The following ANKLE2 variants were observed in gnomAD, a reference collection of about 807,000 sequenced individuals.
The protein encoded by ANKLE2 is ankyrin repeat and LEM domain containing 2, also known as ankyrin repeat and LEM domain-containing protein 2.
A neutral mutation model predicts 84.2 loss-of-function variants in ANKLE2; 55 were observed. That is an observed-to-expected ratio of 0.65 (90% confidence interval 0.53 to 0.82). The LOEUF is 0.82. Among genes scored for constraint, ANKLE2 ranks in the 40% least tolerant of loss-of-function variants. ANKLE2 has a pLI of 0.00. For synonymous variants in ANKLE2, 551 were observed against 486.1 expected (o/e 1.13, Z -1.76); for missense variants, 1,238 against 1,201.9 (o/e 1.03, Z -0.44).
At chr12:132,728,261 G>A (rs2043751548) in intron 11 of ANKLE2, 98 bp from the exon 12 acceptor site, 1 of 1,461,150 alleles carries the variant, frequency 6.8e-7, no homozygotes, top group Admixed American at 2.0e-5. Context: ...ACGGAGTCTT[G>A]CTCTGTCGCC....
intron 7 of ANKLE2, among the ~76,000 whole-genome samples, chr12:132,740,615 T>C (rs1377702273): frequency 6.6e-6 from 1 of 151,804 alleles, no homozygotes; most frequent in Non-Finnish European, 1.5e-5. Flanking sequence ...AAGCAGAAGC[T>C]CCAGACTTCG....
intron 3 of ANKLE2, among the ~76,000 whole-genome samples, chr12:132,749,189 T>C (rs568309836): frequency 6.6e-6 from 1 of 152,168 alleles, no homozygotes; most frequent in East Asian, 1.9e-4. Context: ...GCAGTTTTGC[T>C]CTTTCGCCCA....
chr12:132,754,662 A>C lies in ANKLE2; in HGVS notation c.640+13T>G, dbSNP rs1254265780. 2 of 1,585,802 alleles carry C rather than the reference A, an allele frequency of 1.3e-6. No individual in the cohort carries two copies. The highest frequency in any genetic ancestry group is 1.7e-6 in the Non-Finnish European group (2 of 1,163,716). ...CTATCTGTGTGAGGAAATCCTACAC[A>C]CGGTCCCATTACCATTTCTCGCTGG... is the stretch of plus-strand genomic sequence containing the variant. On this transcript the variant is annotated intron_variant, in intron 2 of 12. Transcript: ENST00000357997.
chr12:132,727,358 T>C lies in ANKLE2; in HGVS notation c.2701A>G (p.Ser901Gly). ...TTTGCGGGGTTGCTTCCAGCCACGC[T>C]GTTTCTCCCCGGACTGTAGCTGTGA... ...GPHSYSPGRN[S>G]VAGSNPAKPG... Residue 901 changes from serine (S) to glycine (G), a missense_variant, in exon 13 of 13, where the codon AGC (serine) becomes GGC (glycine). Ser to Gly is a moderately conservative substitution (Grantham distance 56, BLOSUM62 0). This residue lies in a region of ANKLE2 where 802 missense variants were observed against 774.5 expected (regional missense o/e 1.04). Transcript: ENST00000357997. 1 of 1,562,162 alleles carries C rather than the reference T, an allele frequency of 6.4e-7. No individual in the cohort carries two copies. The highest frequency in any genetic ancestry group is 8.7e-7 in the Non-Finnish European group (1 of 1,153,322).
chr12:132,739,946 A>T (rs1332989690), intron 7 of ANKLE2, among the ~76,000 whole-genome samples: 1 of 152,242 alleles, frequency 6.6e-6, no homozygotes, highest in African/African-American at 2.4e-5. Flanking sequence ...CTCAGCAAAC[A>T]GCTGCTGGGG....
Position 132,754,852 on chromosome 12 carries a change from T to C in ANKLE2, c.463A>G (p.Arg155Gly). 1.2e-6 allele frequency: 2 copies of C among 1,614,146 alleles called. No homozygotes were observed. Among genetic ancestry groups the C allele is most frequent in the Non-Finnish European group, 8.5e-7 (1 of 1,180,008 alleles). The change falls in exon 2 of 13, where the codon AGA (arginine) becomes GGA (glycine). Residue 155 changes from arginine to glycine, a missense_variant. This residue lies in a region of ANKLE2 where 422 missense variants were observed against 394.5 expected (regional missense o/e 1.07). Coordinates refer to ENST00000357997, the MANE Select transcript of ANKLE2 (RefSeq NM_015114.3). ...AGGCCCACACTGTAACCAAAATCTC[T>C]GTCTTCAGAAAAACCAGCCTGATCA... ...PTDQAGFSED[R>G]DFGYSVGLNP...
intron 1 of ANKLE2, chr12:132,759,530 A>G (rs1290973166): frequency 2.6e-5 from 4 of 151,738 alleles, no homozygotes; most frequent in African/African-American, 7.3e-5. Context: ...TGTATACTAT[A>G]TGTGCTATAT....
chr12:132,741,773 C>T (rs142727771), intron 6 of ANKLE2: 37 of 550,086 alleles, frequency 6.7e-5, no homozygotes, highest in East Asian at 4.4e-4. Context: ...ACCAGCGCAT[C>T]GAGTAAAAGC....
chr12:132,742,398 C>T (rs1156523882), intron 6 of ANKLE2: 2 of 153,400 alleles, frequency 1.3e-5, no homozygotes, highest in Non-Finnish European at 2.9e-5. Flanking sequence ...ACCAGAAGAT[C>T]CTTATAGCTT....
chr12:132,748,961 C>G (rs1294893958), intron 3 of ANKLE2: 1 of 151,908 alleles, frequency 6.6e-6, no homozygotes, highest in Non-Finnish European at 1.5e-5. Flanking sequence ...CCTTCTGCCT[C>G]AGCCCCCAAA....
At position 132,748,010 on chromosome 12, in the gene ANKLE2, CT is replaced by C. The variant is rs1359545370; in HGVS notation, c.1051del (p.Arg351GlyfsTer4). The C allele has an allele frequency of 6.3e-7, 1 of 1,599,326 alleles. No homozygotes were observed. The highest frequency in any genetic ancestry group is 8.5e-7 in the Non-Finnish European group (1 of 1,174,022). On this transcript the variant is annotated frameshift_variant, in exon 5 of 13. Transcript: ENST00000357997. LOFTEE classifies it high-confidence loss of function. ...GGCAGCAACATGCATCACGTTGTACCTGCACCCTTCCTGAAAGAGAACCGCA... is the reference window on the plus strand; with the variant it reads ...GGCAGCAACATGCATCACGTTGTACCGCACCCTTCCTGAAAGAGAACCGCA... ...DNPTIVQEGC[R>X]YNVMHVAAKE...
intron 1 of ANKLE2, chr12:132,757,975 C>A (rs2044521083): frequency 6.7e-6 from 1 of 149,592 alleles, no homozygotes; most frequent in African/African-American, 2.5e-5. Context: ...CAGAGCAAGA[C>A]CCCGTCTCCA....
chr12:132,735,353 C>T (rs1398692816), intron 9 of ANKLE2, 53 bp downstream of exon 9: 2 of 1,518,652 alleles, frequency 1.3e-6, no homozygotes, highest in Non-Finnish European at 1.8e-6. Flanking sequence ...TGTCATTAAT[C>T]AAAATGCAAC....
At chr12:132,734,052 A>G (rs1479138763) in intron 10 of ANKLE2, 5 of 468,138 alleles carry the variant, frequency 1.1e-5, no homozygotes, top group Admixed American at 2.4e-5. Context: ...CCTGGTCAAT[A>G]CGGTGAAACC....
chr12:132,738,014 A>G (rs2044046664), intron 7 of ANKLE2: 1 of 152,090 alleles, frequency 6.6e-6, no homozygotes, highest in South Asian at 2.1e-4. Flanking sequence ...TCCACCTCCA[A>G]AAGTTCTGGG....
chr12:132,736,853 C>A, intron 8 of ANKLE2, 40 bp downstream of exon 8: 1 of 1,565,854 alleles, frequency 6.4e-7, no homozygotes, highest in South Asian at 1.2e-5. Context: ...AGTATAGGGA[C>A]AGCCAGGCAC....
At chr12:132,742,023 A>G in intron 6 of ANKLE2, 2 of 339,232 alleles carry the variant, frequency 5.9e-6, no homozygotes, top group Non-Finnish European at 1.1e-5. Context: ...AAATAAAAGG[A>G]AAGAAAGGAA....
intron 6 of ANKLE2, chr12:132,741,943 T>A: frequency 4.7e-6 from 2 of 427,512 alleles, no homozygotes; most frequent in South Asian, 3.3e-5. Context: ...AGAAATCAAC[T>A]TTCTCAGCCC....
rs538192041 is a variant in ANKLE2 at position 132,726,636 on chromosome 12, G to A, written c.*606C>T. 1 of 152,114 alleles carries A rather than the reference G, an allele frequency of 6.6e-6. No homozygotes were observed. Among genetic ancestry groups the A allele is most frequent in the Non-Finnish European group, 1.5e-5 (1 of 68,090 alleles). The allele number at this position is 152,114 out of a possible 1,614,324, so 9.4% of individuals were successfully genotyped here. Reference sequence around the variant, plus strand: ...TTCTGATCAGTAATTTAAATATTCCGAACAACCCAAATCACAATGGTTGCT... The same window carrying A: ...TTCTGATCAGTAATTTAAATATTCCAAACAACCCAAATCACAATGGTTGCT... On this transcript the variant is annotated 3_prime_UTR_variant, in exon 13 of 13. Coordinates refer to ENST00000357997, the MANE Select transcript of ANKLE2 (RefSeq NM_015114.3).
Sources: allele counts gnomAD v4.1 joint callset (sites outside exome capture counted in the v4.1 genomes callset), GRCh38; gene constraint gnomAD v4.1.1; regional missense constraint gnomAD v4.1.1; transcripts MANE v1.5; gene names NCBI Gene and HGNC (gene_info 2026-07-23, HGNC 2026-07-21).